Variants in SLC24A3 observed in about 807,000 individuals in gnomAD.
SLC24A3 encodes sodium/potassium/calcium exchanger 3.
A neutral mutation model predicts 75.8 loss-of-function variants in SLC24A3; 28 were observed. The observed-to-expected ratio is 0.37, with a 90% CI of 0.27 to 0.51. The LOEUF (loss-of-function observed/expected upper bound fraction) is 0.51. Among genes scored for constraint, SLC24A3 ranks in the 20% least tolerant of loss-of-function variants. The pLI is 0.94. For synonymous variants in SLC24A3, 372 were observed against 334.1 expected, an observed-to-expected ratio of 1.11 and a Z score of -1.24; for missense variants, 663 against 847.8, an observed-to-expected ratio of 0.78 and a Z score of 2.71.
chr20:19,443,077 T>C (rs1158123539), intron 2 of SLC24A3, among the ~76,000 whole-genome samples: 1 of 152,230 alleles, frequency 6.6e-6, no homozygotes, highest in Non-Finnish European at 1.5e-5. Context: ...TCACATTATC[T>C]TGATTACCAT....
At chr20:19,281,217 C>G in intron 2 of SLC24A3, 130 bp downstream of exon 2, 1 of 1,358,842 alleles carries the variant, frequency 7.4e-7, no homozygotes, top group Non-Finnish European at 9.9e-7. Context: ...GGATGGGAGT[C>G]TAAGAAACTT....
intron 3 of SLC24A3, among the ~76,000 whole-genome samples, chr20:19,564,005 A>G (rs920318652): frequency 6.6e-6 from 1 of 152,182 alleles, no homozygotes; most frequent in Non-Finnish European, 1.5e-5. Context: ...AAAGGCCTCT[A>G]GAAAATTTAA....
At chr20:19,416,942 T>A (rs953391166) in intron 2 of SLC24A3, among the ~76,000 whole-genome samples, 1 of 152,176 alleles carries the variant, frequency 6.6e-6, no homozygotes, top group Non-Finnish European at 1.5e-5. Context: ...AGGGGAGCAG[T>A]TAACCTAAAA....
intron 3 of SLC24A3, among the ~76,000 whole-genome samples, chr20:19,578,860 C>T (rs558896114): frequency 1.4e-4 from 21 of 152,042 alleles, no homozygotes; most frequent in East Asian, 1.9e-4. Flanking sequence ...TGATGTTATC[C>T]GGGGGCTTAG....
intron 2 of SLC24A3, among the ~76,000 whole-genome samples, chr20:19,325,757 C>CATATATATATAT (rs1568589763): frequency 7.6e-5 from 3 of 39,588 alleles, no homozygotes; most frequent in Non-Finnish European, 8.6e-5. Flanking sequence ...TGTGTGTATA[C>CATATATATATAT]ATACATACAT....
At position 19,234,955 on chromosome 20, in the gene SLC24A3, G is replaced by A. The variant is rs572241573; in HGVS notation, c.142+21971G>A. 7.9e-5 allele frequency among the ~76,000 whole-genome samples: 12 copies of A among 152,300 alleles called. No individual in the cohort carries two copies. In the South Asian group the frequency reaches 2.5e-3, roughly 32 times the overall value. Reference sequence around the variant, plus strand: ...CTGTCACTGGCCTGGAATACGGTGTGACTGTGTAGAAGCTGTTGGCATTGT... The same window carrying A: ...CTGTCACTGGCCTGGAATACGGTGTAACTGTGTAGAAGCTGTTGGCATTGT... On this transcript the variant is annotated intron_variant, in intron 1 of 16. Coordinates refer to ENST00000328041, the MANE Select transcript of SLC24A3 (RefSeq NM_020689.4).
rs115100292 is a variant in SLC24A3, at chr20:19,582,530, A to C, written c.424-2441A>C. 3.8e-3 allele frequency among the ~76,000 whole-genome samples: 585 copies of C among 152,332 alleles called. 4 individuals are homozygous for C. The highest frequency in any genetic ancestry group is 0.013 in the African/African-American group (554 of 41,588). ...AAAAGAAAATGGGAGAAAGAGAAGG[A>C]GATAAAGGCAATGATCCAGGATCCG... On this transcript the variant is annotated intron_variant, in intron 4 of 16. Coordinates refer to ENST00000328041, the MANE Select transcript of SLC24A3 (RefSeq NM_020689.4).
chr20:19,295,122 C>A (rs998926008), intron 2 of SLC24A3, among the ~76,000 whole-genome samples: 2 of 152,094 alleles, frequency 1.3e-5, no homozygotes, highest in East Asian at 1.9e-4. Context: ...AGTGTCTGTT[C>A]GTGTCCCTTG....
chr20:19,227,048 A>G (rs1981888859), intron 1 of SLC24A3, among the ~76,000 whole-genome samples: 2 of 152,330 alleles, frequency 1.3e-5, no homozygotes, highest in Middle Eastern at 3.4e-3. Flanking sequence ...CACACGTACT[A>G]TCATGTAACT....
At chr20:19,367,412 G>C (rs968548176) in intron 2 of SLC24A3, among the ~76,000 whole-genome samples, 7 of 151,982 alleles carry the variant, frequency 4.6e-5, no homozygotes, top group Non-Finnish European at 7.4e-5. Context: ...GTGAAACAGA[G>C]CCTTCCTTAT....
chr20:19,553,964 C>T (rs1394144407), intron 3 of SLC24A3, among the ~76,000 whole-genome samples: 4 of 152,080 alleles, frequency 2.6e-5, no homozygotes, highest in African/African-American at 4.8e-5. Flanking sequence ...AGGAGGAAAA[C>T]GATTCAGAAA....
chr20:19,302,999 C>A (rs1260444238), intron 2 of SLC24A3, among the ~76,000 whole-genome samples: 4 of 134,366 alleles, frequency 3.0e-5, no homozygotes, highest in Non-Finnish European at 6.8e-5. Context: ...ACTTAGTGGC[C>A]TTTGTTTTTT....
chr20:19,289,797 T>G lies in SLC24A3; in HGVS notation c.271+8710T>G, dbSNP rs1020868574. Among the ~76,000 whole-genome samples the G allele has an allele frequency of 6.6e-5, 10 of 152,196 alleles. No individual in the cohort carries two copies. In the South Asian group the frequency reaches 1.9e-3, roughly 28 times the overall value. On this transcript the variant is annotated intron_variant, in intron 2 of 16. Transcript: ENST00000328041. ...GTGTGCCCAGGGGACTTGGGGCTCT[T>G]TTCTTCAATCTCTTACTGAGATTGT...
intron 8 of SLC24A3, among the ~76,000 whole-genome samples, chr20:19,671,077 A>C (rs1230503635): frequency 6.6e-6 from 1 of 152,244 alleles, no homozygotes; most frequent in Non-Finnish European, 1.5e-5. Flanking sequence ...TGAAGAACAT[A>C]AACAGGGTCA....
chr20:19,475,370 A>G (rs1339606334), intron 2 of SLC24A3, among the ~76,000 whole-genome samples: 2 of 152,108 alleles, frequency 1.3e-5, no homozygotes, highest in Non-Finnish European at 2.9e-5. Flanking sequence ...TCCAAGGCAG[A>G]GAATGGCCAC....
chr20:19,305,085 C>T (rs1304553626), intron 2 of SLC24A3, among the ~76,000 whole-genome samples: 1 of 152,142 alleles, frequency 6.6e-6, no homozygotes, highest in Non-Finnish European at 1.5e-5. Context: ...GCTGTCACAT[C>T]CCTGGGGAAA....
chr20:19,493,979 G>C (rs1213545495), intron 2 of SLC24A3, among the ~76,000 whole-genome samples: 2 of 152,226 alleles, frequency 1.3e-5, no homozygotes, highest in East Asian at 3.9e-4. Flanking sequence ...CCTTGGCCTA[G>C]CTTGCCGCAT....
chr20:19,472,972 C>T (rs1454036653), intron 2 of SLC24A3, among the ~76,000 whole-genome samples: 6 of 152,218 alleles, frequency 3.9e-5, no homozygotes, highest in Non-Finnish European at 7.3e-5. Flanking sequence ...CATTGAACAG[C>T]ACACTTGCTG....
intron 2 of SLC24A3, among the ~76,000 whole-genome samples, chr20:19,322,394 CCTT>C (rs1434520206): frequency 7.6e-4 from 114 of 150,280 alleles, no homozygotes; most frequent in Non-Finnish European, 7.4e-5. Context: ...TTCCTTCCTT[CCTT>C]CCTTCCTTCC....
Sources: allele counts gnomAD v4.1 joint callset (sites outside exome capture counted in the v4.1 genomes callset), GRCh38; gene constraint gnomAD v4.1.1; transcripts MANE v1.5; gene names NCBI Gene and HGNC (gene_info 2026-07-23, HGNC 2026-07-21).